The following GHSR variants were observed in gnomAD, a reference collection of about 807,000 sequenced individuals.
GHSR encodes the protein growth hormone secretagogue receptor, also known as growth hormone secretagogue receptor type 1.
GHSR carries 17 observed loss-of-function variants against 24.0 expected under a neutral mutation model. The ratio of observed to expected loss-of-function variants is 0.71; its 90% CI spans 0.49 to 1.06. The LOEUF is 1.06. GHSR is among the 50% of genes least tolerant of loss of function. GHSR has a pLI of 0.00. For synonymous variants in GHSR, 238 were observed against 208.1 expected (o/e 1.14, Z -1.24); for missense variants, 504 against 483.1 (o/e 1.04, Z -0.41).
At position 172,447,912 on chromosome 3, in the gene GHSR, A is replaced by G. The variant is rs1396449584; in HGVS notation, c.502T>C (p.Trp168Arg). The G allele has an allele frequency of 1.9e-6, 3 of 1,612,576 alleles. No homozygotes were observed. In the African/African-American group the frequency reaches 4.0e-5, roughly 22 times the overall value. Residue 168 changes from tryptophan (W) to arginine (R), a missense_variant, in exon 1 of 2, where the codon TGG becomes CGG. Trp to Arg is a moderately radical substitution (Grantham distance 101). Transcript: ENST00000241256. ...GRVKLVIFVI[W>R]AVAFCSAGPI... ...CCGGCGCTGCAGAAGGCCACGGCCCAGATGACGAAGATGACCAGCTTCACC... is the reference window on the plus strand; with the variant it reads ...CCGGCGCTGCAGAAGGCCACGGCCCGGATGACGAAGATGACCAGCTTCACC...
Position 172,448,152 on chromosome 3 carries a change from AG to A in GHSR, c.261del (p.Ser88ProfsTer50). 1 of 1,614,234 alleles carries A rather than the reference AG, an allele frequency of 6.2e-7. No homozygotes were observed. The highest frequency in any genetic ancestry group is 8.5e-7 in the Non-Finnish European group (1 of 1,180,038). On this transcript the variant is annotated frameshift_variant, in exon 1 of 2. Coordinates refer to ENST00000241256, the MANE Select transcript of GHSR (RefSeq NM_198407.2). LOFTEE classifies it high-confidence loss of function. This position sits in a 1 kb window ranked among gnomAD's most constrained non-coding sequence, Gnocchi z 4.8. Reference protein sequence around the residue: ...TTNLYLSSMAFSDLLIFLCMP... With the variant: ...TTNLYLSSMAXSDLLIFLCMP... ...ATGCAGAGGAAGATGAGCAGATCGG[AG>A]AAGGCCATGCTGGACAGGTAGAGGT...
chr3:172,447,853 C>G lies in GHSR; in HGVS notation c.561G>C (p.Glu187Asp). ...TGGTGTCCCAAGGGTCGGTGCCGTT[C>G]TCGTGCTCCACCCCGACTAGCACGA... is the stretch of plus-strand genomic sequence containing the variant. The part of the protein sequence containing the change: ...PIFVLVGVEH[E>D]NGTDPWDTNE... The change falls in exon 1 of 2, where the codon GAG becomes GAC. Residue 187 changes from glutamate to aspartate, a missense_variant. Physicochemically the swap from Glu to Asp is conservative, Grantham distance 45. Coordinates refer to ENST00000241256, the MANE Select transcript of GHSR (RefSeq NM_198407.2). 6.2e-7 allele frequency: 1 copy of G among 1,614,022 alleles called. No homozygotes were observed.
intron 1 of GHSR, among the ~76,000 whole-genome samples, chr3:172,445,913 G>A (rs1368380782): frequency 3.3e-5 from 5 of 151,960 alleles, no homozygotes; most frequent in Admixed American, 2.6e-4. Context: ...CTCTAAGAGG[G>A]CGATCAGGAC....
At chr3:172,446,787 G>A (rs1737471931) in intron 1 of GHSR, among the ~76,000 whole-genome samples, 1 of 152,180 alleles carries the variant, frequency 6.6e-6, no homozygotes, top group Admixed American at 6.5e-5. Flanking sequence ...AGGGTCATTT[G>A]GGGAAGTAGT....
At position 172,447,688 on chromosome 3, in the gene GHSR, C is replaced by G; in HGVS notation, c.726G>C (p.Arg242Ser). ...CACCCACGACAGCATCGCCGCGCCT[C>G]CTCCGCCACAGCTTCCTGCCGATGA... ...YSLIGRKLWR[R>S]RRGDAVVGAS... Residue 242 changes from arginine to serine, a missense_variant, in exon 1 of 2, where the codon AGG (arginine) becomes AGC (serine). Arg to Ser is a moderately radical substitution (Grantham distance 110). Transcript: ENST00000241256. 1 of 1,614,080 alleles carries G rather than the reference C, an allele frequency of 6.2e-7. No homozygotes were observed. Among genetic ancestry groups the G allele is most frequent in the East Asian group, 2.2e-5 (1 of 44,866 alleles).
intron 1 of GHSR, 99 bp downstream of exon 1, chr3:172,447,519 C>T (rs1737492238): frequency 1.3e-6 from 2 of 1,553,782 alleles, no homozygotes; most frequent in South Asian, 1.2e-5. Context: ...GAGGTAGCGA[C>T]TCAGGGGGAA....
rs1396671445 is a variant in GHSR at position 172,444,646 on chromosome 3, G to C, written c.*515C>G. 6.6e-6 allele frequency among the ~76,000 whole-genome samples: 1 copy of C among 152,102 alleles called. No individual in the cohort carries two copies. Among genetic ancestry groups the C allele is most frequent in the African/African-American group, 2.4e-5 (1 of 41,418 alleles). On this transcript the variant is annotated 3_prime_UTR_variant, in exon 2 of 2. Transcript: ENST00000241256. ...TTCAAAGACTTAGTGTGAAAAAAAA[G>C]AATGTAAATTCCTTTTTAATAATTT...
At position 172,447,748 on chromosome 3, in the gene GHSR, G is replaced by T. The variant is rs1484016006; in HGVS notation, c.666C>A (p.Phe222Leu). 3 of 1,614,120 alleles carry T rather than the reference G, an allele frequency of 1.9e-6. No individual in the cohort carries two copies. The South Asian group carries it at 3.3e-5, about 18-fold the overall frequency. The change falls in exon 1 of 2, where the codon TTC (phenylalanine) becomes TTA (leucine). Residue 222 changes from phenylalanine to leucine, a missense_variant. Phe to Leu is a conservative substitution (Grantham distance 22). Transcript: ENST00000241256. ...VMVWVSSIFF[F>L]LPVFCLTVLY... ...GGACCGTGAGACAGAAGACAGGAAG[G>T]AAGAAGAAGATGCTGGACACCCACA... is the stretch of plus-strand genomic sequence containing the variant.
chr3:172,448,061 A>C lies in GHSR; in HGVS notation c.353T>G (p.Leu118Arg), dbSNP rs1231302879. The change falls in exon 1 of 2, where the codon CTC (leucine) becomes CGC (arginine). Residue 118 changes from leucine (L) to arginine (R), a missense_variant. Leu to Arg is a moderately radical substitution (Grantham distance 102, BLOSUM62 -2). Transcript: ENST00000241256. This position sits in a 1 kb window ranked among gnomAD's most constrained non-coding sequence, Gnocchi z 4.8. ...PWNFGDLLCKLFQFVSESCTY... is the reference protein window; with the variant it reads ...PWNFGDLLCKRFQFVSESCTY... ...GCAGCTCTCACTGACGAATTGGAAG[A>C]GTTTGCAGAGGAGGTCGCCGAAGTT... 1.9e-6 allele frequency: 3 copies of C among 1,614,148 alleles called. No individual in the cohort carries two copies. The African/African-American group carries it at 4.0e-5, about 22-fold the overall frequency.
In GHSR at chr3:172,445,308, G is replaced by A; in HGVS notation, c.954C>T (p.Ile318=). 2.5e-6 allele frequency: 4 copies of A among 1,614,194 alleles called. No homozygotes were observed. Among genetic ancestry groups the A allele is most frequent in the Non-Finnish European group, 3.4e-6 (4 of 1,180,026 alleles). Residue 318 remains isoleucine (I), a synonymous_variant, in exon 2 of 2, where the codon ATC becomes ATT. Transcript: ENST00000241256. ...SFVLFYLSAA[I]NPILYNIMSK... ...ACATGATGTTGTACAGAATGGGGTT[G>A]ATGGCAGCACTGAGGTAGAAGAGGA...
Position 172,443,853 on chromosome 3 carries a change from A to C in GHSR, c.*1308T>G, listed in dbSNP as rs73039028. On this transcript the variant is annotated 3_prime_UTR_variant, in exon 2 of 2. Coordinates refer to ENST00000241256, the MANE Select transcript of GHSR (RefSeq NM_198407.2). ...TTTGGAGACAGGACACAGCATAGAC[A>C]TTTAAAAATAAATGGCTATAAGATT... Among the ~76,000 whole-genome samples the C allele has an allele frequency of 0.025, 3,875 of 152,254 alleles. 165 individuals are homozygous for C. The highest frequency in any genetic ancestry group is 0.089 in the African/African-American group (3,681 of 41,528).
chr3:172,446,815 A>G lies in GHSR; in HGVS notation c.796+803T>C, dbSNP rs16845616. ...GAAGTAGTGAATTCTGTTGGTTTCC[A>G]CAAAGTCTCCTTTCCTCCTGTTGGA... On this transcript the variant is annotated intron_variant, in intron 1 of 1. Coordinates refer to ENST00000241256, the MANE Select transcript of GHSR (RefSeq NM_198407.2). 1.4e-3 allele frequency among the ~76,000 whole-genome samples: 207 copies of G among 152,354 alleles called. 5 individuals are homozygous for G. In the East Asian group the frequency reaches 0.034, roughly 25 times the overall value.
rs769370705 is a variant in GHSR, at chr3:172,447,831, T to C, written c.583A>G (p.Thr195Ala). The change falls in exon 1 of 2, where the codon ACC becomes GCC. Residue 195 changes from threonine (T) to alanine (A), a missense_variant. Physicochemically the swap from Thr to Ala is moderately conservative, Grantham distance 58. Coordinates refer to ENST00000241256, the MANE Select transcript of GHSR (RefSeq NM_198407.2). Reference sequence around the variant, plus strand: ...AACTCGGTGGGGCGGCACTCGTTGGTGTCCCAAGGGTCGGTGCCGTTCTCG... The same window carrying C: ...AACTCGGTGGGGCGGCACTCGTTGGCGTCCCAAGGGTCGGTGCCGTTCTCG... ...EHENGTDPWD[T>A]NECRPTEFAV... 4.3e-6 allele frequency: 7 copies of C among 1,613,878 alleles called. No homozygotes were observed. The highest frequency in any genetic ancestry group is 3.3e-5 in the South Asian group (3 of 91,078).
Position 172,447,373 on chromosome 3 carries a change from A to G in GHSR, c.796+245T>C, listed in dbSNP as rs2948694. The G allele has an allele frequency of 0.12, 43,535 of 350,730 alleles. 3,112 individuals carry two copies. The highest frequency in any genetic ancestry group is 0.4 in the East Asian group (2,137 of 5,398). The allele number at this position is 350,730 out of a possible 1,614,324, so 21.7% of individuals were successfully genotyped here. ...TAGAGACGGTAAGAAAGACACTGACAAAGTAAAGGGGGAGGAGAGAGAGAG... is the reference window on the plus strand; with the variant it reads ...TAGAGACGGTAAGAAAGACACTGACGAAGTAAAGGGGGAGGAGAGAGAGAG... On this transcript the variant is annotated intron_variant, in intron 1 of 1. Coordinates refer to ENST00000241256, the MANE Select transcript of GHSR (RefSeq NM_198407.2).
In GHSR at chr3:172,447,817, G is replaced by A. The variant is rs746943179; in HGVS notation, c.597C>T (p.Arg199=). Residue 199 remains arginine, a synonymous_variant, in exon 1 of 2, where the codon CGC becomes CGT. Transcript: ENST00000241256. ...GTDPWDTNEC[R]PTEFAVRSGL... is the part of the protein sequence containing the mutation. ...CAGAGCGCACCGCAAACTCGGTGGG[G>A]CGGCACTCGTTGGTGTCCCAAGGGT... 3.1e-6 allele frequency: 5 copies of A among 1,613,958 alleles called. No homozygotes were observed. Among genetic ancestry groups the A allele is most frequent in the Admixed American group, 3.3e-5 (2 of 60,028 alleles).
chr3:172,447,580 A>G (rs767221842), intron 1 of GHSR, 38 bp downstream of exon 1: 1 of 1,611,884 alleles, frequency 6.2e-7, no homozygotes, highest in Admixed American at 1.7e-5. Flanking sequence ...AGAGGATAGG[A>G]CCCGCGAGAG....
chr3:172,448,197 C>T lies in GHSR; in HGVS notation c.217G>A (p.Glu73Lys), dbSNP rs200051419. ...TAGAGGTTGGTGGTGGTGCGCAGCT[C>T]GCGGAAGCGCGACACCACCAGCATG... ...LTMLVVSRFR[E>K]LRTTTNLYLS... The change falls in exon 1 of 2, where the codon GAG becomes AAG. Residue 73 changes from glutamate to lysine, a missense_variant. Coordinates refer to ENST00000241256, the MANE Select transcript of GHSR (RefSeq NM_198407.2). The surrounding 1 kb of genome is among the most constrained non-coding windows in gnomAD (Gnocchi z 4.8). 2 of 1,614,136 alleles carry T rather than the reference C, an allele frequency of 1.2e-6. No homozygotes were observed. Among genetic ancestry groups the T allele is most frequent in the South Asian group, 1.1e-5 (1 of 91,090 alleles).
In GHSR at chr3:172,445,473, G is replaced by A. The variant is rs1006178584; in HGVS notation, c.797-8C>T. On this transcript the variant is annotated splice_region_variant and splice_polypyrimidine_tract_variant and intron_variant, in intron 1 of 1. Transcript: ENST00000241256. ...AGGCAAACACCACTACAGCTAAAAG[G>A]ACAATGGGAGAGAGATAGTCAGCTC... The A allele has an allele frequency of 1.2e-6, 2 of 1,609,370 alleles. No homozygotes were observed. Among genetic ancestry groups the A allele is most frequent in the Non-Finnish European group, 1.7e-6 (2 of 1,178,104 alleles).
At chr3:172,445,722 A>T (rs1737444525) in intron 1 of GHSR, among the ~76,000 whole-genome samples, 1 of 152,150 alleles carries the variant, frequency 6.6e-6, no homozygotes, top group Non-Finnish European at 1.5e-5. Context: ...TGACACATTG[A>T]CTCAACTGAC....
Sources: allele counts gnomAD v4.1 joint callset (sites outside exome capture counted in the v4.1 genomes callset), GRCh38; gene constraint gnomAD v4.1.1; non-coding constraint Gnocchi (gnomAD v3.1); transcripts MANE v1.5; gene names NCBI Gene and HGNC (gene_info 2026-07-23, HGNC 2026-07-21).